MAP7: variants seen among roughly 807,000 people sequenced by gnomAD.
The protein encoded by MAP7 is microtubule associated protein 7, also known as ensconsin.
Under a neutral mutation model 94.8 loss-of-function variants are expected in MAP7, and 52 were observed. The ratio of observed to expected loss-of-function variants is 0.55; its 90% CI spans 0.44 to 0.69. MAP7 has a LOEUF of 0.69. Ranked by LOEUF, MAP7 falls within the 30% of genes least tolerant of loss-of-function variation. The pLI is 0.00. For missense variants in MAP7, 940 were observed against 964.6 expected, an observed-to-expected ratio of 0.97 and a Z score of 0.34; for synonymous variants, 350 against 357.0, an observed-to-expected ratio of 0.98 and a Z score of 0.22.
At chr6:136,389,326 C>G in intron 4 of MAP7, 28 bp downstream of exon 4, 1 of 1,518,704 alleles carries the variant, frequency 6.6e-7, no homozygotes, top group Non-Finnish European at 8.8e-7. Flanking sequence ...AGAGGAGCCA[C>G]TCATATTCTT....
chr6:136,392,165 C>T (rs890915749), intron 3 of MAP7, among the ~76,000 whole-genome samples: 1 of 152,132 alleles, frequency 6.6e-6, no homozygotes, highest in African/African-American at 2.4e-5. Flanking sequence ...GCAGCTTTGA[C>T]CTCCCAGGCT....
chr6:136,356,247 T>C (rs1790889688), intron 16 of MAP7, among the ~76,000 whole-genome samples: 1 of 152,152 alleles, frequency 6.6e-6, no homozygotes, highest in Admixed American at 6.6e-5. Context: ...GCTCACTGCA[T>C]CCTTGACCTC....
At chr6:136,388,300 T>C (rs1779720300) in intron 5 of MAP7, 93 bp downstream of exon 5, 3 of 879,464 alleles carry the variant, frequency 3.4e-6, no homozygotes, top group Non-Finnish European at 5.4e-6. Context: ...CAGCAGGATT[T>C]TTGTTTCGCA....
At chr6:136,479,087 A>T (rs923688724) in intron 1 of MAP7, among the ~76,000 whole-genome samples, 2 of 151,986 alleles carry the variant, frequency 1.3e-5, no homozygotes, top group African/African-American at 2.4e-5. Context: ...ACAGGCCAAG[A>T]TCCCTGATGA....
intron 8 of MAP7, among the ~76,000 whole-genome samples, chr6:136,368,639 C>G (rs534756929): frequency 6.6e-6 from 1 of 152,194 alleles, no homozygotes; most frequent in African/African-American, 2.4e-5. Flanking sequence ...ATTTGAAAAA[C>G]AACTCTATTT....
chr6:136,367,828 T>C (rs1053049310), intron 8 of MAP7, among the ~76,000 whole-genome samples: 2 of 152,062 alleles, frequency 1.3e-5, no homozygotes, highest in Admixed American at 6.5e-5. Flanking sequence ...CAGGGTGGCA[T>C]GCCCAGGTCT....
At chr6:136,494,264 G>C (rs923002040) in intron 1 of MAP7, among the ~76,000 whole-genome samples, 29 of 152,322 alleles carry the variant, frequency 1.9e-4, no homozygotes, top group Non-Finnish European at 3.2e-4. Flanking sequence ...CATAGGGTGT[G>C]ATATGCAGTA....
intron 1 of MAP7, among the ~76,000 whole-genome samples, chr6:136,479,262 T>C (rs1421089310): frequency 1.3e-5 from 2 of 152,104 alleles, no homozygotes; most frequent in African/African-American, 4.8e-5. Flanking sequence ...AAAAACCACA[T>C]AATTATTTCA....
chr6:136,394,587 A>G (rs1781764224), intron 3 of MAP7, among the ~76,000 whole-genome samples: 1 of 151,892 alleles, frequency 6.6e-6, no homozygotes, highest in African/African-American at 2.4e-5. Context: ...AACATTTCAA[A>G]TCTTCTCTTA....
intron 16 of MAP7, 69 bp downstream of exon 16, chr6:136,356,623 G>C: frequency 7.9e-7 from 1 of 1,270,580 alleles, no homozygotes; most frequent in Non-Finnish European, 1.1e-6. Context: ...TTAAGACTTT[G>C]AAATTCTGGT....
chr6:136,539,348 C>T (rs987805862), intron 1 of MAP7, among the ~76,000 whole-genome samples: 1 of 152,192 alleles, frequency 6.6e-6, no homozygotes, highest in Admixed American at 6.5e-5. Flanking sequence ...CCCAGGCAGC[C>T]AGACTCCAGA....
chr6:136,395,894 T>C (rs1351588164), intron 3 of MAP7, among the ~76,000 whole-genome samples: 1 of 152,214 alleles, frequency 6.6e-6, no homozygotes, highest in African/African-American at 2.4e-5. Flanking sequence ...CCGAGTTCTC[T>C]ATTCTGTTCC....
At chr6:136,546,362 C>A (rs188500006) in intron 1 of MAP7, among the ~76,000 whole-genome samples, 1,589 of 151,252 alleles carry the variant, frequency 0.011, 15 homozygotes, top group Admixed American at 0.023. Context: ...CCACCTCCCA[C>A]CCCCTACCCC....
At chr6:136,443,817 C>A (rs1308728252) in intron 1 of MAP7, among the ~76,000 whole-genome samples, 1 of 152,040 alleles carries the variant, frequency 6.6e-6, no homozygotes, top group Non-Finnish European at 1.5e-5. Flanking sequence ...GTTAAGGGGG[C>A]TAAAACCTCT....
At chr6:136,423,517 G>T (rs1792073054) in intron 1 of MAP7, among the ~76,000 whole-genome samples, 1 of 152,116 alleles carries the variant, frequency 6.6e-6, no homozygotes, top group Non-Finnish European at 1.5e-5. Flanking sequence ...TGGCAGGAAG[G>T]TCTGGGTCAG....
rs191372984 is a variant in MAP7 at position 136,387,940 on chromosome 6, T to C, written c.526+453A>G. ...TACTATTTCTAGCTCAATAAACCTA[T>C]ATATTTTCTTACAGAGCATTAGTGT... On this transcript the variant is annotated intron_variant, in intron 5 of 17. Coordinates refer to ENST00000354570, the MANE Select transcript of MAP7 (RefSeq NM_003980.6). Among the ~76,000 whole-genome samples the C allele has an allele frequency of 5.3e-5, 8 of 152,334 alleles. No individual in the cohort carries two copies. In the East Asian group the frequency reaches 1.5e-3, roughly 29 times the overall value.
At chr6:136,460,366 T>G (rs1296763363) in intron 1 of MAP7, among the ~76,000 whole-genome samples, 2 of 152,330 alleles carry the variant, frequency 1.3e-5, no homozygotes, top group South Asian at 4.1e-4. Flanking sequence ...GGATGATGTT[T>G]CTTTTTGTTT....
intron 1 of MAP7, among the ~76,000 whole-genome samples, chr6:136,513,098 G>A (rs112109230): frequency 3.1e-4 from 47 of 152,270 alleles, no homozygotes; most frequent in African/African-American, 1.1e-3. Context: ...TCCTGCCTCT[G>A]CCTCTCAAAG....
intron 1 of MAP7, among the ~76,000 whole-genome samples, chr6:136,499,350 T>C (rs181971173): frequency 1.3e-5 from 2 of 152,260 alleles, no homozygotes; most frequent in East Asian, 3.9e-4. Flanking sequence ...AATAGTTTCA[T>C]TTATTGTTCA....
Sources: allele counts gnomAD v4.1 joint callset (sites outside exome capture counted in the v4.1 genomes callset), GRCh38; gene constraint gnomAD v4.1.1; transcripts MANE v1.5; gene names NCBI Gene and HGNC (gene_info 2026-07-23, HGNC 2026-07-21).